Variants in GLIS3 observed in about 807,000 individuals in gnomAD.
The protein encoded by GLIS3 is zinc finger protein GLIS3.
Under a neutral mutation model 78.6 loss-of-function variants are expected in GLIS3, and 53 were observed. The ratio of observed to expected loss-of-function variants is 0.67; its 90% confidence interval spans 0.54 to 0.85. The LOEUF is 0.85. Ranked by LOEUF, GLIS3 falls within the 40% of genes least tolerant of loss-of-function variation. The pLI is 0.00. For missense variants in GLIS3, 1,703 were observed against 1,231.1 expected (o/e 1.38, Z -5.74); for synonymous variants, 684 against 509.9 (o/e 1.34, Z -4.60).
intron 4 of GLIS3, among the ~76,000 whole-genome samples, chr9:4,033,669 T>G (rs1227139246): frequency 1.3e-5 from 2 of 152,084 alleles, no homozygotes; most frequent in African/African-American, 4.8e-5. Flanking sequence ...CTCTAGGTGA[T>G]TCCTATGCAC....
chr9:4,079,816 C>A (rs1007440279), intron 4 of GLIS3, among the ~76,000 whole-genome samples: 1 of 150,410 alleles, frequency 6.6e-6, no homozygotes, highest in Non-Finnish European at 1.5e-5. Context: ...CACCCAACAC[C>A]CAACATGTAA....
At chr9:3,869,514 G>A (rs895141657) in intron 8 of GLIS3, among the ~76,000 whole-genome samples, 2 of 152,236 alleles carry the variant, frequency 1.3e-5, no homozygotes, top group African/African-American at 4.8e-5. Flanking sequence ...CAATGTGTTT[G>A]TGTGCCTGAA....
intron 4 of GLIS3, among the ~76,000 whole-genome samples, chr9:4,107,219 CA>C (rs939783185): frequency 3.9e-5 from 6 of 152,128 alleles, no homozygotes; most frequent in Admixed American, 1.3e-4. Context: ...AGAGAAGAAG[CA>C]GGGGGCACTT....
intron 2 of GLIS3, among the ~76,000 whole-genome samples, chr9:4,271,180 C>CG (rs1826476596): frequency 6.6e-6 from 1 of 152,028 alleles, no homozygotes; most frequent in East Asian, 1.9e-4. Flanking sequence ...AATATAGAAA[C>CG]GGGGGCAGGA....
At chr9:3,860,518 C>A (rs1045671643) in intron 8 of GLIS3, among the ~76,000 whole-genome samples, 2 of 152,018 alleles carry the variant, frequency 1.3e-5, no homozygotes, top group African/African-American at 4.8e-5. Context: ...TAGATTGTTT[C>A]TCATATCAGT....
Position 4,136,705 on chromosome 9 carries a change from A to T in GLIS3, c.389-10764T>A, listed in dbSNP as rs142330642. ...TGTAGACACAGAAACGAAAGGGAGG[A>T]GGCACAATGCGTCCTGGAGAAACAA... On this transcript the variant is annotated intron_variant, in intron 2 of 10. Coordinates refer to ENST00000381971, the MANE Select transcript of GLIS3 (RefSeq NM_001042413.2). 2.1e-4 allele frequency among the ~76,000 whole-genome samples: 32 copies of T among 152,302 alleles called. No homozygotes were observed. The East Asian group carries it at 5.8e-3, about 28-fold the overall frequency.
the GLIS3 span, among the ~76,000 whole-genome samples, chr9:4,464,518 C>G: frequency 6.6e-6 from 1 of 152,020 alleles, no homozygotes; most frequent in African/African-American, 2.4e-5. Context: ...CTTCAGCCTC[C>G]CGAGCAGCTG....
intron 2 of GLIS3, among the ~76,000 whole-genome samples, chr9:4,194,138 A>G (rs1818583939): frequency 6.6e-6 from 1 of 151,698 alleles, no homozygotes; most frequent in African/African-American, 2.4e-5. Context: ...GCTCTCTGCA[A>G]CCTCCACCTC....
chr9:4,338,023 GCTGTGTGTGTGTGT>G (rs1412892094), intron 2 of GLIS3, among the ~76,000 whole-genome samples: 2 of 115,706 alleles, frequency 1.7e-5, no homozygotes, highest in African/African-American at 6.9e-5. Flanking sequence ...GATTGGCAAG[GCTGTGTGTGTGTGT>G]GTGTGTGTGT....
Position 3,828,083 on chromosome 9 carries a change from G to A in GLIS3, c.*189C>T, listed in dbSNP as rs897539394. The A allele has an allele frequency of 1.5e-6, 1 of 648,072 alleles. No individual in the cohort carries two copies. The highest frequency in any genetic ancestry group is 2.8e-5 in the East Asian group (1 of 36,282). The allele number at this position is 648,072 out of a possible 1,614,324, so 40.1% of individuals were successfully genotyped here. ...GTCCAGGAAAACCAGAGAGAAAAAG[G>A]AGCAACTGTAATGATTCCTGCAAAG... On this transcript the variant is annotated 3_prime_UTR_variant, in exon 11 of 11. Transcript: ENST00000381971.
chr9:4,176,866 C>G (rs574496397), intron 2 of GLIS3, among the ~76,000 whole-genome samples: 5 of 152,372 alleles, frequency 3.3e-5, no homozygotes, highest in African/African-American at 9.6e-5. Context: ...TCAGGTGATC[C>G]GCCCGCCTTG....
chr9:4,200,421 A>G (rs1819269906), intron 2 of GLIS3, among the ~76,000 whole-genome samples: 1 of 152,188 alleles, frequency 6.6e-6, no homozygotes, highest in African/African-American at 2.4e-5. Context: ...GATTATTCAA[A>G]GAAAAAAAAC....
intron 2 of GLIS3, among the ~76,000 whole-genome samples, chr9:4,202,697 C>A (rs1228743472): frequency 1.3e-5 from 2 of 151,990 alleles, no homozygotes. Context: ...TTGACAAAGT[C>A]AACAAAAGTA....
At chr9:4,261,160 A>T (rs1320611769) in intron 2 of GLIS3, among the ~76,000 whole-genome samples, 1 of 152,190 alleles carries the variant, frequency 6.6e-6, no homozygotes, top group Non-Finnish European at 1.5e-5. Context: ...TCCCAAGGTA[A>T]AATTCATTCA....
chr9:4,097,576 T>C (rs1393946179), intron 4 of GLIS3, among the ~76,000 whole-genome samples: 1 of 152,182 alleles, frequency 6.6e-6, no homozygotes, highest in Admixed American at 6.5e-5. Flanking sequence ...TTATGGGTAA[T>C]TCAATGCAAA....
upstream of GLIS3, among the ~76,000 whole-genome samples, chr9:4,302,203 A>T (rs1406035871): frequency 6.6e-6 from 1 of 151,686 alleles, no homozygotes; most frequent in African/African-American, 2.4e-5. Flanking sequence ...CCAAAATGAT[A>T]CTCTCCCTTA....
At chr9:4,003,873 T>G (rs1383371389) in intron 4 of GLIS3, among the ~76,000 whole-genome samples, 1 of 152,226 alleles carries the variant, frequency 6.6e-6, no homozygotes, top group Non-Finnish European at 1.5e-5. Flanking sequence ...CCTATGAGAT[T>G]TGAGATTTGT....
chr9:4,236,397 T>C (rs1291594567), intron 2 of GLIS3, among the ~76,000 whole-genome samples: 1 of 152,184 alleles, frequency 6.6e-6, no homozygotes, highest in Non-Finnish European at 1.5e-5. Flanking sequence ...ATTGCAATAC[T>C]TAAGAATTCC....
rs545276071 is a variant in GLIS3 at position 3,966,389 on chromosome 9, A to G, written c.1711-29200T>C. Among the ~76,000 whole-genome samples, 430 of 152,288 alleles carry G rather than the reference A, an allele frequency of 2.8e-3. 2 individuals carry two copies. Among genetic ancestry groups the G allele is most frequent in the African/African-American group, 0.01 (422 of 41,546 alleles). On this transcript the variant is annotated intron_variant, in intron 4 of 10. Transcript: ENST00000381971. ...TCCAAGAATTATGACACTGTAATAAATCAAACAGGTGTTGATAGGCTAAAT... is the reference window on the plus strand; with the variant it reads ...TCCAAGAATTATGACACTGTAATAAGTCAAACAGGTGTTGATAGGCTAAAT...
Sources: allele counts gnomAD v4.1 joint callset (sites outside exome capture counted in the v4.1 genomes callset), GRCh38; gene constraint gnomAD v4.1.1; transcripts MANE v1.5; gene names NCBI Gene and HGNC (gene_info 2026-07-23, HGNC 2026-07-21).